ADAMTS17: variants seen among roughly 807,000 people sequenced by gnomAD.
The protein encoded by ADAMTS17 is ADAM metallopeptidase with thrombospondin type 1 motif 17, also known as A disintegrin and metalloproteinase with thrombospondin motifs 17.
A neutral mutation model predicts 141.5 loss-of-function variants in ADAMTS17; 113 were observed. The observed-to-expected ratio is 0.80, with a 90% CI of 0.69 to 0.93. The LOEUF (loss-of-function observed/expected upper bound fraction) is 0.93, where lower values mean the gene tolerates loss of function less well. Ranked by LOEUF, ADAMTS17 falls within the 40% of genes least tolerant of loss-of-function variation. ADAMTS17 has a pLI of 0.00. For missense variants in ADAMTS17, 1,659 were observed against 1,517.9 expected (o/e 1.09, Z -1.54); for synonymous variants, 768 against 630.6 (o/e 1.22, Z -3.27).
intron 10 of ADAMTS17, among the ~76,000 whole-genome samples, chr15:100,150,522 T>C (rs2039111070): frequency 6.6e-6 from 1 of 152,168 alleles, no homozygotes; most frequent in Non-Finnish European, 1.5e-5. Context: ...TGTGTGACAG[T>C]GCAAGGACAA....
chr15:99,974,297 T>C lies in ADAMTS17; in HGVS notation c.*105A>G, dbSNP rs980363324. On this transcript the variant is annotated 3_prime_UTR_variant, in exon 22 of 22. Transcript: ENST00000268070. Reference sequence around the variant, plus strand: ...CACGCTCATGTTCTATGTAGTTGGATTCTTGTGGCAGCCGGGTGGGGGCGT... The same window carrying C: ...CACGCTCATGTTCTATGTAGTTGGACTCTTGTGGCAGCCGGGTGGGGGCGT... 4.2e-5 allele frequency: 62 copies of C among 1,473,556 alleles called. No individual in the cohort carries two copies. Among genetic ancestry groups the C allele is most frequent in the Non-Finnish European group, 5.4e-5 (57 of 1,061,368 alleles). 91.3% of individuals were successfully genotyped at this position (1,473,556 alleles called of 1,614,324 possible).
intron 12 of ADAMTS17, among the ~76,000 whole-genome samples, chr15:100,121,613 A>G (rs2037455339): frequency 6.6e-6 from 1 of 152,186 alleles, no homozygotes; most frequent in Non-Finnish European, 1.5e-5. Flanking sequence ...TCAAAAATCA[A>G]GGTGAAAATT....
rs571607491 is a variant in ADAMTS17, at chr15:100,090,224, C to A, written c.2137+6132G>T. On this transcript the variant is annotated intron_variant, in intron 15 of 21. Coordinates refer to ENST00000268070, the MANE Select transcript of ADAMTS17 (RefSeq NM_139057.4). The stretch of plus-strand genomic sequence containing the variant: ...ATCCAAGGCAGTAAAATGTCAAAAA[C>A]TGAGATAAAAGTTGTTCGGGGTCAA... Among the ~76,000 whole-genome samples, 3 of 152,268 alleles carry A rather than the reference C, an allele frequency of 2.0e-5. No homozygotes were observed. In the South Asian group the frequency reaches 6.2e-4, roughly 32 times the overall value.
intron 7 of ADAMTS17, among the ~76,000 whole-genome samples, chr15:100,247,986 T>C (rs2043037717): frequency 6.6e-6 from 1 of 152,050 alleles, no homozygotes; most frequent in African/African-American, 2.4e-5. Flanking sequence ...TCAGAGACTG[T>C]GGTATCAGTG....
chr15:99,984,677 C>A (rs1356400771), intron 20 of ADAMTS17, among the ~76,000 whole-genome samples: 2 of 152,220 alleles, frequency 1.3e-5, no homozygotes. Flanking sequence ...GCGGATGATG[C>A]CCACACAAGG....
intron 3 of ADAMTS17, among the ~76,000 whole-genome samples, chr15:100,320,063 C>T (rs76046541): frequency 0.069 from 10,552 of 151,850 alleles, 840 homozygotes; most frequent in East Asian, 0.24. Context: ...AATATAATTG[C>T]GAAAATTAAA....
chr15:100,274,101 T>C (rs563718664), intron 4 of ADAMTS17, among the ~76,000 whole-genome samples: 4 of 152,318 alleles, frequency 2.6e-5, no homozygotes, highest in African/African-American at 9.6e-5. Flanking sequence ...ACCTAACACA[T>C]GGTCTATCCT....
intron 4 of ADAMTS17, among the ~76,000 whole-genome samples, chr15:100,266,096 T>C (rs940290587): frequency 6.6e-6 from 1 of 152,168 alleles, no homozygotes; most frequent in Non-Finnish European, 1.5e-5. Context: ...CTGGAACAGC[T>C]CAGGTTTTTC....
chr15:100,301,431 T>C (rs369179827), intron 3 of ADAMTS17, among the ~76,000 whole-genome samples: 20 of 151,696 alleles, frequency 1.3e-4, no homozygotes, highest in East Asian at 1.2e-3. Flanking sequence ...TTCACACCAT[T>C]CTCCTGCCTC....
chr15:100,030,302 C>T (rs34731468), intron 18 of ADAMTS17, among the ~76,000 whole-genome samples: 6,891 of 152,238 alleles, frequency 0.045, 329 homozygotes, highest in African/African-American at 0.12. Context: ...TAATTTCTGC[C>T]CTTAATGTCG....
At chr15:100,218,958 T>C (rs2042051647) in intron 7 of ADAMTS17, among the ~76,000 whole-genome samples, 1 of 152,144 alleles carries the variant, frequency 6.6e-6, no homozygotes, top group Non-Finnish European at 1.5e-5. Context: ...CCTCTAAACA[T>C]GTATATGCAA....
intron 7 of ADAMTS17, among the ~76,000 whole-genome samples, chr15:100,227,334 C>CACCATGCAGGAA (rs6145709): frequency 0.96 from 145,697 of 152,168 alleles, 69,819 homozygotes; most frequent in Middle Eastern, 1. Flanking sequence ...CTTTCCCACC[C>CACCATGCAGGAA]ACATCAGAAA....
intron 20 of ADAMTS17, chr15:99,976,495 A>C (rs2060334098): frequency 5.1e-6 from 3 of 589,914 alleles, no homozygotes; most frequent in Non-Finnish European, 6.1e-6. Flanking sequence ...GCAATCATTC[A>C]GGGCAAAAAC....
chr15:100,136,828 G>C (rs2038357949), intron 10 of ADAMTS17, among the ~76,000 whole-genome samples: 1 of 152,236 alleles, frequency 6.6e-6, no homozygotes, highest in Non-Finnish European at 1.5e-5. Context: ...AATGAGCCCA[G>C]AGGCGTGTCC....
chr15:100,234,962 G>A (rs531936475), intron 7 of ADAMTS17, among the ~76,000 whole-genome samples: 1 of 152,336 alleles, frequency 6.6e-6, no homozygotes, highest in South Asian at 2.1e-4. Context: ...GTGGGAACAT[G>A]AGGGAAGAGG....
intron 15 of ADAMTS17, among the ~76,000 whole-genome samples, chr15:100,092,628 C>A (rs1409551639): frequency 6.6e-6 from 1 of 152,224 alleles, no homozygotes; most frequent in African/African-American, 2.4e-5. Context: ...ATTCCACACC[C>A]CACACTACAC....
chr15:100,267,518 T>C (rs191858382), intron 4 of ADAMTS17, among the ~76,000 whole-genome samples: 2 of 152,296 alleles, frequency 1.3e-5, no homozygotes, highest in East Asian at 1.9e-4. Context: ...TAAATGAATA[T>C]ATATTTATAA....
chr15:100,287,440 G>A (rs942034417), intron 3 of ADAMTS17, among the ~76,000 whole-genome samples: 4 of 152,112 alleles, frequency 2.6e-5, no homozygotes, highest in African/African-American at 9.7e-5. Flanking sequence ...AGGAGAGAAA[G>A]CAAGCAACAG....
rs983922981 is a variant in ADAMTS17, at chr15:100,264,883, G to T, written c.790-2448C>A. The stretch of plus-strand genomic sequence containing the variant: ...TTTTGCAAGATAAAAAAGCTGTAGA[G>T]ATTGATTGCACAGCAATGCGAACCT... On this transcript the variant is annotated intron_variant, in intron 4 of 21. Coordinates refer to ENST00000268070, the MANE Select transcript of ADAMTS17 (RefSeq NM_139057.4). Among the ~76,000 whole-genome samples the T allele has an allele frequency of 5.9e-5, 9 of 152,228 alleles. No homozygotes were observed. The Middle Eastern group carries it at 0.014, about 230-fold the overall frequency.
Sources: gnomAD v4.1 joint callset for allele counts (sites outside exome capture counted in the v4.1 genomes callset) on GRCh38, gnomAD v4.1.1 for gene constraint, MANE v1.5 for transcripts, NCBI Gene and HGNC (gene_info 2026-07-23, HGNC 2026-07-21) for gene names.